AGBL1: variants seen among roughly 807,000 people sequenced by gnomAD.
The protein encoded by AGBL1 is AGBL carboxypeptidase 1.
AGBL1 carries 130 observed loss-of-function variants against 118.9 expected under a neutral mutation model. The ratio of observed to expected loss-of-function variants is 1.09; its 90% CI spans 0.95 to 1.26. The LOEUF is 1.26. AGBL1 is among the 50% of genes most tolerant of loss of function. The probability of loss-of-function intolerance (pLI) is 0.00; values close to 1 mark genes in which losing one functional copy is unlikely to be tolerated. For synonymous variants in AGBL1, 555 were observed against 478.9 expected, an observed-to-expected ratio of 1.16 and a Z score of -2.08; for missense variants, 1,584 against 1,298.1, an observed-to-expected ratio of 1.22 and a Z score of -3.38.
intron 22 of AGBL1, among the ~76,000 whole-genome samples, chr15:86,813,494 T>C (rs76940501): frequency 6.6e-6 from 1 of 152,334 alleles, no homozygotes; most frequent in African/African-American, 2.4e-5. Context: ...ATTCTTTTCC[T>C]GTCTTCCAAA....
At chr15:86,459,186 C>T (rs1041659116) in intron 18 of AGBL1, among the ~76,000 whole-genome samples, 1 of 152,120 alleles carries the variant, frequency 6.6e-6, no homozygotes, top group African/African-American at 2.4e-5. Context: ...ATAGTGCCCA[C>T]CTCAAAGAGA....
intron 22 of AGBL1, among the ~76,000 whole-genome samples, chr15:86,726,986 T>C (rs1386638855): frequency 1.4e-5 from 2 of 139,394 alleles, no homozygotes; most frequent in South Asian, 2.1e-4. Context: ...TTTTGAGTCT[T>C]GGCACAGTTA....
intron 22 of AGBL1, among the ~76,000 whole-genome samples, chr15:86,840,636 G>T (rs904222742): frequency 1.3e-5 from 2 of 151,908 alleles, no homozygotes; most frequent in East Asian, 1.9e-4. Flanking sequence ...GTACAGACGG[G>T]GTTTCACCAT....
intron 22 of AGBL1, among the ~76,000 whole-genome samples, chr15:86,778,500 C>T (rs1567169701): frequency 6.6e-6 from 1 of 152,092 alleles, no homozygotes; most frequent in African/African-American, 2.4e-5. Context: ...CAGAGGCCTA[C>T]CCTCAGGGAC....
intron 7 of AGBL1, among the ~76,000 whole-genome samples, chr15:86,254,219 T>C: frequency 6.6e-6 from 1 of 152,274 alleles, no homozygotes; most frequent in East Asian, 1.9e-4. Context: ...GGATGCCTTC[T>C]CTCTTCCCAC....
chr15:86,903,703 G>A (rs951807652), intron 22 of AGBL1, among the ~76,000 whole-genome samples: 3 of 152,182 alleles, frequency 2.0e-5, no homozygotes, highest in Non-Finnish European at 4.4e-5. Context: ...GGAAGTCTAG[G>A]TTCCCCACTA....
At chr15:86,817,666 C>A (rs556791528) in intron 22 of AGBL1, among the ~76,000 whole-genome samples, 13 of 150,416 alleles carry the variant, frequency 8.6e-5, no homozygotes, top group African/African-American at 3.2e-4. Flanking sequence ...CACACACACA[C>A]AGAAAGAGAC....
At chr15:86,350,079 C>T (rs2080601452) in intron 17 of AGBL1, among the ~76,000 whole-genome samples, 2 of 152,206 alleles carry the variant, frequency 1.3e-5, no homozygotes, top group East Asian at 1.9e-4. Context: ...TACCAGGAGA[C>T]ATAAATGTCT....
chr15:86,854,904 G>A (rs184617925), intron 22 of AGBL1, among the ~76,000 whole-genome samples: 181 of 152,156 alleles, frequency 1.2e-3, no homozygotes, highest in African/African-American at 4.1e-3. Flanking sequence ...AACTGCCCTC[G>A]ATCTCCATCA....
chr15:86,368,339 A>T (rs1383645191), intron 17 of AGBL1, among the ~76,000 whole-genome samples: 1 of 152,152 alleles, frequency 6.6e-6, no homozygotes, highest in Admixed American at 6.6e-5. Flanking sequence ...TGACCCTATA[A>T]CAAATAAAAC....
chr15:86,769,781 C>T (rs2078147932), intron 22 of AGBL1, among the ~76,000 whole-genome samples: 1 of 151,962 alleles, frequency 6.6e-6, no homozygotes, highest in African/African-American at 2.4e-5. Flanking sequence ...ATGCAAGGCT[C>T]ATTTAGAGAC....
chr15:86,432,495 A>C (rs1011200689), intron 18 of AGBL1, among the ~76,000 whole-genome samples: 1 of 152,208 alleles, frequency 6.6e-6, no homozygotes, highest in African/African-American at 2.4e-5. Flanking sequence ...AGAAGACTGT[A>C]GGTGTAAAGT....
At chr15:86,769,362 C>T (rs1341238522) in intron 22 of AGBL1, among the ~76,000 whole-genome samples, 2 of 151,878 alleles carry the variant, frequency 1.3e-5, no homozygotes, top group Non-Finnish European at 2.9e-5. Context: ...CTTTACTATC[C>T]TGGAATGTAT....
intron 17 of AGBL1, among the ~76,000 whole-genome samples, chr15:86,351,949 T>C (rs568957255): frequency 2.5e-4 from 38 of 152,326 alleles, no homozygotes; most frequent in South Asian, 2.5e-3. Context: ...TGACATCTAG[T>C]GTAGCAGGCA....
intron 22 of AGBL1, among the ~76,000 whole-genome samples, chr15:86,819,548 A>G (rs1047889569): frequency 6.6e-5 from 10 of 152,038 alleles, no homozygotes; most frequent in African/African-American, 2.2e-4. Context: ...CACAGTTGCT[A>G]CAAAGAGAAT....
intron 22 of AGBL1, among the ~76,000 whole-genome samples, chr15:86,781,835 G>C (rs943472278): frequency 3.9e-5 from 6 of 151,994 alleles, no homozygotes; most frequent in Non-Finnish European, 8.8e-5. Context: ...AGTTGACTAT[G>C]ATGACACTCT....
chr15:86,356,302 A>C (rs1447325535), intron 17 of AGBL1, among the ~76,000 whole-genome samples: 1 of 152,114 alleles, frequency 6.6e-6, no homozygotes, highest in Non-Finnish European at 1.5e-5. Context: ...TAACTTAGAA[A>C]AAGCTATTTG....
At chr15:86,581,276 G>T (rs572531107) in intron 21 of AGBL1, among the ~76,000 whole-genome samples, 1 of 152,128 alleles carries the variant, frequency 6.6e-6, no homozygotes, top group South Asian at 2.1e-4. Context: ...GGCAAATTAG[G>T]AATAAAATGA....
chr15:86,520,874 G>C lies in AGBL1; in HGVS notation c.2556-1936G>C, dbSNP rs537522747. Among the ~76,000 whole-genome samples the C allele has an allele frequency of 3.3e-5, 5 of 152,274 alleles. No individual in the cohort carries two copies. In the South Asian group the frequency reaches 1.0e-3, roughly 32 times the overall value. ...CATTTAAACACAGCAAATGTGCTTG[G>C]GAGCAAGTCTGGGCTGCCTGTTCCT... is the stretch of plus-strand genomic sequence containing the variant. On this transcript the variant is annotated intron_variant, in intron 18 of 22. Coordinates refer to ENST00000614907, the MANE Select transcript of AGBL1 (RefSeq NM_001386094.1).
Sources: gnomAD v4.1 joint callset for allele counts (sites outside exome capture counted in the v4.1 genomes callset) on GRCh38, gnomAD v4.1.1 for gene constraint, MANE v1.5 for transcripts, NCBI Gene and HGNC (gene_info 2026-07-23, HGNC 2026-07-21) for gene names.